The following MAGI1 variants were observed in gnomAD, a reference collection of about 807,000 sequenced individuals.
The protein encoded by MAGI1 is membrane associated guanylate kinase, WW and PDZ domain containing 1.
A neutral mutation model predicts 139.9 loss-of-function variants in MAGI1; 58 were observed. That is an observed-to-expected ratio of 0.41 (90% CI 0.34 to 0.52). The LOEUF is 0.52. MAGI1 is among the 20% of genes least tolerant of loss of function. The pLI is 0.12. For missense variants in MAGI1, 1,874 were observed against 1,901.6 expected, an observed-to-expected ratio of 0.99 and a Z score of 0.27; for synonymous variants, 812 against 737.9, an observed-to-expected ratio of 1.10 and a Z score of -1.63.
At position 65,601,843 on chromosome 3, in the gene MAGI1, G is replaced by A. The variant is rs370473329; in HGVS notation, c.430+20129C>T. The stretch of plus-strand genomic sequence containing the variant: ...CACCCATGGAAAGAAAAAAAATACT[G>A]GTGAAGCATTTATCTGATAAGGTCC... On this transcript the variant is annotated intron_variant, in intron 2 of 22. Coordinates refer to ENST00000402939, the MANE Select transcript of MAGI1 (RefSeq NM_001033057.2). Among the ~76,000 whole-genome samples, 3 of 152,054 alleles carry A rather than the reference G, an allele frequency of 2.0e-5. No individual in the cohort carries two copies. In the South Asian group the frequency reaches 6.2e-4, roughly 31 times the overall value.
chr3:65,686,939 C>A (rs1204293157), intron 1 of MAGI1, among the ~76,000 whole-genome samples: 1 of 152,096 alleles, frequency 6.6e-6, no homozygotes, highest in Non-Finnish European at 1.5e-5. Flanking sequence ...TTACGGTAGC[C>A]CATTCGATGA....
chr3:65,714,399 A>T (rs1389377209), intron 1 of MAGI1, among the ~76,000 whole-genome samples: 1 of 152,058 alleles, frequency 6.6e-6, no homozygotes, highest in Non-Finnish European at 1.5e-5. Context: ...CAAGAGGCAG[A>T]TTCCCCCAGC....
At chr3:65,412,407 C>G (rs893331720) in intron 12 of MAGI1, among the ~76,000 whole-genome samples, 1 of 152,178 alleles carries the variant, frequency 6.6e-6, no homozygotes, top group Non-Finnish European at 1.5e-5. Flanking sequence ...ATTCACACAA[C>G]CCAGTGTCTT....
chr3:65,929,373 G>A lies in MAGI1; in HGVS notation c.313+108623C>T, dbSNP rs567741936. Among the ~76,000 whole-genome samples, 7 of 149,334 alleles carry A rather than the reference G, an allele frequency of 4.7e-5. 2 individuals carry two copies. The highest frequency in any genetic ancestry group is 2.1e-4 in the South Asian group (1 of 4,740). On this transcript the variant is annotated intron_variant, in intron 1 of 22. Coordinates refer to ENST00000402939, the MANE Select transcript of MAGI1 (RefSeq NM_001033057.2). ...TTTTTTTTTTTTGAGACCGAGTCTC[G>A]CTCTGTCACCATGCTGGAGTGCAGT...
At chr3:66,015,829 ACAT>A (rs1242717931) in intron 1 of MAGI1, among the ~76,000 whole-genome samples, 1 of 152,230 alleles carries the variant, frequency 6.6e-6, no homozygotes, top group Non-Finnish European at 1.5e-5. Context: ...TTCTATCTGT[ACAT>A]CAATCATTCT....
rs562322590 is a variant in MAGI1 at position 65,825,631 on chromosome 3, G to A, written c.314-203543C>T. On this transcript the variant is annotated intron_variant, in intron 1 of 22. Transcript: ENST00000402939. ...CAATGGACTTCTAAAACACCTAAAA[G>A]GTAACATAAAACTATATATTCATCA... Among the ~76,000 whole-genome samples, 116 of 152,170 alleles carry A rather than the reference G, an allele frequency of 7.6e-4. 1 individual carries two copies. In the South Asian group the frequency reaches 0.024, roughly 31 times the overall value.
chr3:65,426,393 A>G lies in MAGI1; in HGVS notation c.2167+3127T>C, dbSNP rs1251051191. ...CAAATGTCAAAAACGAGCTCTAGAG[A>G]TGAGGAATTAAAATGGGTGCTACAA... On this transcript the variant is annotated intron_variant, in intron 12 of 22. Transcript: ENST00000402939. Among the ~76,000 whole-genome samples the G allele has an allele frequency of 2.6e-5, 4 of 152,174 alleles. No individual in the cohort carries two copies. In the East Asian group the frequency reaches 7.7e-4, roughly 29 times the overall value.
chr3:65,839,321 A>G (rs2058729090), intron 1 of MAGI1, among the ~76,000 whole-genome samples: 1 of 152,242 alleles, frequency 6.6e-6, no homozygotes, highest in African/African-American at 2.4e-5. Context: ...TGTACAGTGC[A>G]TACCTGATAA....
intron 1 of MAGI1, among the ~76,000 whole-genome samples, chr3:65,927,125 G>A (rs563782301): frequency 3.3e-5 from 5 of 152,258 alleles, no homozygotes; most frequent in East Asian, 1.9e-4. Context: ...ATGGGCAACC[G>A]GCAGCCCTCA....
chr3:65,588,798 A>G (rs978710598), intron 2 of MAGI1, among the ~76,000 whole-genome samples: 16 of 152,346 alleles, frequency 1.1e-4, no homozygotes, highest in African/African-American at 3.1e-4. Flanking sequence ...AACATGCTCA[A>G]TAAATTTTTA....
chr3:65,416,348 G>A (rs529900433), intron 12 of MAGI1, among the ~76,000 whole-genome samples: 1 of 152,292 alleles, frequency 6.6e-6, no homozygotes, highest in East Asian at 1.9e-4. Flanking sequence ...TAGTTATTAT[G>A]ACTGCTATTC....
In MAGI1 at chr3:66,037,924, C is replaced by G. The variant is rs567329487; in HGVS notation, c.313+72G>C. 9 of 1,509,920 alleles carry G rather than the reference C, an allele frequency of 6.0e-6. No homozygotes were observed. In the African/African-American group the frequency reaches 8.4e-5, roughly 14 times the overall value. 93.5% of individuals were successfully genotyped at this position (1,509,920 alleles called of 1,614,324 possible). On this transcript the variant is annotated intron_variant, in intron 1 of 22. Transcript: ENST00000402939. ...CGCTCCGAGGAGGGAAGCAGGAAAT[C>G]GAGAATAAGGGGCAGCCCACAGACC... is the stretch of plus-strand genomic sequence containing the variant.
At chr3:65,470,177 G>T in intron 5 of MAGI1, 106 bp downstream of exon 5, 2 of 699,630 alleles carry the variant, frequency 2.9e-6, no homozygotes, top group Non-Finnish European at 4.7e-6. Context: ...ACCATCAGTG[G>T]GTGATCAATC....
intron 22 of MAGI1, among the ~76,000 whole-genome samples, chr3:65,358,777 CTT>C (rs1353869543): frequency 6.6e-6 from 1 of 152,134 alleles, no homozygotes; most frequent in Non-Finnish European, 1.5e-5. Context: ...AAGGTTCATT[CTT>C]TCTAAATACT....
At chr3:65,447,949 T>G (rs1948775103) in intron 7 of MAGI1, 73 bp downstream of exon 7, 2 of 1,511,594 alleles carry the variant, frequency 1.3e-6, no homozygotes, top group South Asian at 1.1e-5. Context: ...ATTAAGCAAT[T>G]CACTGGGGAA....
intron 1 of MAGI1, among the ~76,000 whole-genome samples, chr3:65,831,915 A>G (rs2042551402): frequency 1.3e-5 from 2 of 152,210 alleles, no homozygotes; most frequent in African/African-American, 4.8e-5. Context: ...CAATTCACAT[A>G]CTTTACCCAT....
chr3:65,848,861 C>T (rs1381156535), intron 1 of MAGI1, among the ~76,000 whole-genome samples: 1 of 152,058 alleles, frequency 6.6e-6, no homozygotes, highest in African/African-American at 2.4e-5. Context: ...CTCTCTGCTG[C>T]TGTGGACACT....
At chr3:66,001,235 T>C (rs1052753808) in intron 1 of MAGI1, among the ~76,000 whole-genome samples, 1 of 151,922 alleles carries the variant, frequency 6.6e-6, no homozygotes, top group Admixed American at 6.6e-5. Flanking sequence ...ATGGAATAGG[T>C]GAAGGGGGAT....
At chr3:65,900,814 A>G (rs527916331) in intron 1 of MAGI1, among the ~76,000 whole-genome samples, 1 of 152,344 alleles carries the variant, frequency 6.6e-6, no homozygotes, top group African/African-American at 2.4e-5. Flanking sequence ...TGAACCATTG[A>G]GAATCCTTCT....
Sources: gnomAD v4.1 joint callset for allele counts (sites outside exome capture counted in the v4.1 genomes callset) on GRCh38, gnomAD v4.1.1 for gene constraint, MANE v1.5 for transcripts, NCBI Gene and HGNC (gene_info 2026-07-23, HGNC 2026-07-21) for gene names.